The following IRS1 variants were observed in gnomAD, a reference collection of about 807,000 sequenced individuals.
The protein encoded by IRS1 is insulin receptor substrate 1.
IRS1 carries 34 observed loss-of-function variants against 65.6 expected under a neutral mutation model. The ratio of observed to expected loss-of-function variants is 0.52; its 90% CI spans 0.39 to 0.69. The LOEUF (loss-of-function observed/expected upper bound fraction) is 0.69, where lower values mean the gene tolerates loss of function less well. Ranked by LOEUF, IRS1 falls within the 30% of genes least tolerant of loss-of-function variation. The probability of loss-of-function intolerance (pLI) is 0.00; values close to 1 mark genes in which losing one functional copy is unlikely to be tolerated. For synonymous variants in IRS1, 699 were observed against 683.5 expected, an observed-to-expected ratio of 1.02 and a Z score of -0.35; for missense variants, 1,641 against 1,720.2, an observed-to-expected ratio of 0.95 and a Z score of 0.81.
chr2:226,791,804 C>T (rs935135267), intron 1 of IRS1, among the ~76,000 whole-genome samples: 1 of 151,968 alleles, frequency 6.6e-6, no homozygotes, highest in African/African-American at 2.4e-5. Context: ...CGGGGCCTCG[C>T]CCGCCAGCGC....
chr2:226,781,023 C>T (rs888920693), intron 1 of IRS1, among the ~76,000 whole-genome samples: 1 of 152,158 alleles, frequency 6.6e-6, no homozygotes, highest in Non-Finnish European at 1.5e-5. Context: ...AAATAGCTCA[C>T]AATTTTTAGT....
At chr2:226,766,121 T>TATA (rs1553531211) in intron 1 of IRS1, among the ~76,000 whole-genome samples, 197 of 14,236 alleles carry the variant, frequency 0.014, 10 homozygotes, top group African/African-American at 0.029. Flanking sequence ...TCTCTTAATC[T>TATA]TATATATATA....
chr2:226,791,391 C>A (rs527806799), intron 1 of IRS1, among the ~76,000 whole-genome samples: 2 of 152,202 alleles, frequency 1.3e-5, no homozygotes, highest in African/African-American at 4.8e-5. Flanking sequence ...CAAAATGGGG[C>A]TCGTCACATG....
chr2:226,738,208 C>T (rs970650762), intron 1 of IRS1, among the ~76,000 whole-genome samples: 12 of 152,180 alleles, frequency 7.9e-5, no homozygotes, highest in Non-Finnish European at 1.5e-4. Flanking sequence ...ATACACGCAA[C>T]GTAAGTGTGG....
intron 1 of IRS1, among the ~76,000 whole-genome samples, chr2:226,787,234 A>G (rs1186541437): frequency 6.6e-6 from 1 of 152,138 alleles, no homozygotes; most frequent in Non-Finnish European, 1.5e-5. Flanking sequence ...TGCAAGCTTA[A>G]TATCCAAAAA....
intron 1 of IRS1, among the ~76,000 whole-genome samples, chr2:226,770,706 T>C (rs977413185): frequency 1.3e-5 from 2 of 152,164 alleles, no homozygotes; most frequent in African/African-American, 2.4e-5. Flanking sequence ...TAGTATAGCA[T>C]GGGAGAAAAC....
At chr2:226,789,091 GCTTT>G (rs1574660658) in intron 1 of IRS1, among the ~76,000 whole-genome samples, 1 of 152,144 alleles carries the variant, frequency 6.6e-6, no homozygotes, top group East Asian at 1.9e-4. Flanking sequence ...TGAGGAAATG[GCTTT>G]CTTTAAAACA....
intron 1 of IRS1, among the ~76,000 whole-genome samples, chr2:226,789,879 T>A (rs1437816456): frequency 6.6e-6 from 1 of 152,154 alleles, no homozygotes; most frequent in South Asian, 2.1e-4. Context: ...TAGGGTTTGT[T>A]AAAACTCGAA....
rs564770870 is a variant in IRS1 at position 226,748,779 on chromosome 2, C to T, written c.*22-12529G>A. Among the ~76,000 whole-genome samples the T allele has an allele frequency of 5.5e-4, 83 of 152,154 alleles. 1 individual carries two copies. Among genetic ancestry groups the T allele is most frequent in the African/African-American group, 1.9e-3 (78 of 41,508 alleles). On this transcript the variant is annotated intron_variant, in intron 1 of 1. Transcript: ENST00000305123. ...CTGCTTTCCCAAAACTTAATATTGA[C>T]AAAAAACAGCAAAGGGGGGATGCTC...
In IRS1 at chr2:226,761,030, T is replaced by C. The variant is rs144027894; in HGVS notation, c.*22-24780A>G. Among the ~76,000 whole-genome samples the C allele has an allele frequency of 2.6e-5, 4 of 152,330 alleles. No homozygotes were observed. The East Asian group carries it at 7.7e-4, about 29-fold the overall frequency. On this transcript the variant is annotated intron_variant, in intron 1 of 1. Coordinates refer to ENST00000305123, the MANE Select transcript of IRS1 (RefSeq NM_005544.3). The stretch of plus-strand genomic sequence containing the variant: ...AGAGCAGCAGATTCACATATGTGCA[T>C]TTCAGCAGAGATGCAGGAATTGCTG...
At chr2:226,782,978 C>T (rs1421333836) in intron 1 of IRS1, among the ~76,000 whole-genome samples, 2 of 152,184 alleles carry the variant, frequency 1.3e-5, no homozygotes, top group Non-Finnish European at 2.9e-5. Context: ...CCAGCCTGGG[C>T]AACACAGTGA....
chr2:226,758,026 T>C (rs917938334), intron 1 of IRS1, among the ~76,000 whole-genome samples: 4 of 152,178 alleles, frequency 2.6e-5, no homozygotes, highest in African/African-American at 9.6e-5. Context: ...CATTTATGTG[T>C]CAAAAGAATT....
chr2:226,736,892 A>G (rs557682223), intron 1 of IRS1, among the ~76,000 whole-genome samples: 17 of 152,314 alleles, frequency 1.1e-4, no homozygotes, highest in Non-Finnish European at 1.8e-4. Context: ...GGTAAATTTT[A>G]AAGGGTCACT....
intron 1 of IRS1, among the ~76,000 whole-genome samples, chr2:226,748,396 T>TCCAG (rs1210999008): frequency 8.5e-6 from 1 of 117,854 alleles, no homozygotes; most frequent in Non-Finnish European, 1.6e-5. Context: ...GCCACTGAAC[T>TCCAG]CCAGCCTGGG....
Position 226,799,130 on chromosome 2 carries a change from C to A in IRS1, c.-392G>T. On this transcript the variant is annotated 5_prime_UTR_variant, in exon 1 of 2. Transcript: ENST00000305123. This position sits in a 1 kb window ranked among gnomAD's most constrained non-coding sequence, Gnocchi z 6.1. ...CGACAGTCGGGGGTCCCTGCGGTGCCCCTCCAGGAGCGCGCGCGCGCGCGC... is the reference window on the plus strand; with the variant it reads ...CGACAGTCGGGGGTCCCTGCGGTGCACCTCCAGGAGCGCGCGCGCGCGCGC... 8.6e-7 allele frequency: 1 copy of A among 1,157,142 alleles called. No individual in the cohort carries two copies. The highest frequency in any genetic ancestry group is 1.1e-6 in the Non-Finnish European group (1 of 924,058). 71.7% of individuals were successfully genotyped at this position (1,157,142 alleles called of 1,614,324 possible).
At chr2:226,744,421 A>G (rs528922512) in intron 1 of IRS1, among the ~76,000 whole-genome samples, 33 of 152,240 alleles carry the variant, frequency 2.2e-4, no homozygotes, top group African/African-American at 7.7e-4. Context: ...CACTCCCAAT[A>G]GTTTCTAATA....
At chr2:226,777,426 T>C (rs981998675) in intron 1 of IRS1, among the ~76,000 whole-genome samples, 5 of 152,224 alleles carry the variant, frequency 3.3e-5, no homozygotes. Flanking sequence ...CTATTTAAAG[T>C]TCCTTACCAC....
chr2:226,761,433 TC>T (rs1019452980), intron 1 of IRS1, among the ~76,000 whole-genome samples: 3 of 152,104 alleles, frequency 2.0e-5, no homozygotes, highest in African/African-American at 7.2e-5. Context: ...GGGTTTATTG[TC>T]ATTCTATACC....
intron 1 of IRS1, among the ~76,000 whole-genome samples, chr2:226,754,272 TTCCTGG>T (rs1938749559): frequency 6.6e-6 from 1 of 152,182 alleles, no homozygotes; most frequent in Non-Finnish European, 1.5e-5. Context: ...TAGTAAACCA[TTCCTGG>T]AGTGAGGGTG....
Sources: allele counts gnomAD v4.1 joint callset (sites outside exome capture counted in the v4.1 genomes callset), GRCh38; gene constraint gnomAD v4.1.1; non-coding constraint Gnocchi (gnomAD v3.1); transcripts MANE v1.5; gene names NCBI Gene and HGNC (gene_info 2026-07-23, HGNC 2026-07-21).